Variants in FARP1 observed in about 807,000 individuals in gnomAD.
FARP1 encodes FERM, ARHGEF and pleckstrin domain-containing protein 1.
FARP1 carries 52 observed loss-of-function variants against 128.8 expected under a neutral mutation model. The ratio of observed to expected loss-of-function variants is 0.40; its 90% CI spans 0.32 to 0.51. The LOEUF (loss-of-function observed/expected upper bound fraction) is 0.51. FARP1 is among the 20% of genes least tolerant of loss of function. FARP1 has a pLI of 0.45. For missense variants in FARP1, 1,333 were observed against 1,367.9 expected (o/e 0.97, Z 0.40); for synonymous variants, 580 against 551.8 (o/e 1.05, Z -0.72).
intron 3 of FARP1, among the ~76,000 whole-genome samples, chr13:98,358,793 G>A (rs1355462378): frequency 6.6e-6 from 1 of 151,820 alleles, no homozygotes; most frequent in African/African-American, 2.4e-5. Context: ...CTGCCACCAC[G>A]CCCGGCTAAT....
intron 1 of FARP1, among the ~76,000 whole-genome samples, chr13:98,198,237 C>G (rs1430678636): frequency 1.3e-5 from 2 of 152,176 alleles, no homozygotes; most frequent in Non-Finnish European, 2.9e-5. Flanking sequence ...CTTTGCTTCT[C>G]GTTTCCAACC....
chr13:98,337,688 C>A (rs1594418611), intron 2 of FARP1, among the ~76,000 whole-genome samples: 3 of 151,956 alleles, frequency 2.0e-5, no homozygotes, highest in Admixed American at 6.6e-5. Flanking sequence ...CTGTTTCCAC[C>A]TTTTCCCCAT....
At chr13:98,200,394 C>CCG (rs1555327087) in intron 1 of FARP1, among the ~76,000 whole-genome samples, 12 of 147,014 alleles carry the variant, frequency 8.2e-5, no homozygotes, top group Admixed American at 2.7e-4. Flanking sequence ...TTCACCCCCC[C>CCG]CCCCTCCCCT....
chr13:98,144,274 C>T (rs1340457695), intron 1 of FARP1, among the ~76,000 whole-genome samples: 4 of 151,856 alleles, frequency 2.6e-5, no homozygotes, highest in Admixed American at 2.6e-4. Context: ...GAGTCTGGAT[C>T]TCGTTTGTGG....
chr13:98,146,413 A>T (rs1875564007), intron 1 of FARP1, among the ~76,000 whole-genome samples: 1 of 152,172 alleles, frequency 6.6e-6, no homozygotes, highest in Non-Finnish European at 1.5e-5. Flanking sequence ...TTTTTAGTAG[A>T]GACGGGGTTT....
chr13:98,323,221 T>G (rs1484446925), intron 2 of FARP1, among the ~76,000 whole-genome samples: 2 of 152,150 alleles, frequency 1.3e-5, no homozygotes, highest in African/African-American at 4.8e-5. Flanking sequence ...TGGTTGTGAG[T>G]TAGGAGCAGT....
intron 2 of FARP1, among the ~76,000 whole-genome samples, chr13:98,341,257 A>T (rs1250250736): frequency 6.6e-6 from 1 of 151,408 alleles, no homozygotes; most frequent in Non-Finnish European, 1.5e-5. Flanking sequence ...GCGGGCTTTG[A>T]CTCCTGCTGT....
chr13:98,265,592 T>C (rs1313223570), intron 2 of FARP1, among the ~76,000 whole-genome samples: 1 of 151,950 alleles, frequency 6.6e-6, no homozygotes, highest in African/African-American at 2.4e-5. Flanking sequence ...GTGCTGGGAT[T>C]ACAGGCGTGA....
intron 9 of FARP1, 134 bp from the exon 10 acceptor site, chr13:98,389,823 A>G: frequency 1.3e-6 from 1 of 783,080 alleles, no homozygotes; most frequent in Non-Finnish European, 2.1e-6. Context: ...AAGTCTTTGC[A>G]CTGATGGTCA....
intron 1 of FARP1, among the ~76,000 whole-genome samples, chr13:98,183,072 GC>G (rs1419283368): frequency 1.3e-4 from 20 of 152,264 alleles, no homozygotes; most frequent in Middle Eastern, 3.4e-3. Flanking sequence ...TTTGAATGGT[GC>G]TCACTTTTTG....
chr13:98,212,736 G>A (rs934535824), intron 1 of FARP1, among the ~76,000 whole-genome samples: 1 of 152,150 alleles, frequency 6.6e-6, no homozygotes, highest in South Asian at 2.1e-4. Context: ...GTATGTCTGC[G>A]AGTGTATGTC....
chr13:98,412,148 G>C, intron 16 of FARP1, 114 bp downstream of exon 16: 3 of 981,190 alleles, frequency 3.1e-6, no homozygotes, highest in Non-Finnish European at 4.6e-6. Context: ...CAGGAAACTG[G>C]CTTACAACAA....
chr13:98,189,846 A>G (rs1224132634), intron 1 of FARP1, among the ~76,000 whole-genome samples: 4 of 152,218 alleles, frequency 2.6e-5, no homozygotes, highest in African/African-American at 2.4e-5. Flanking sequence ...TGTGATTTCT[A>G]TTAACCAAAG....
intron 2 of FARP1, among the ~76,000 whole-genome samples, chr13:98,285,361 C>G (rs1023202205): frequency 1.3e-5 from 2 of 152,164 alleles, no homozygotes; most frequent in Non-Finnish European, 2.9e-5. Flanking sequence ...TAGCTCCTTT[C>G]CTTTTTCTCC....
chr13:98,376,833 T>A (rs1476497586), intron 5 of FARP1, among the ~76,000 whole-genome samples: 1 of 149,270 alleles, frequency 6.7e-6, no homozygotes, highest in East Asian at 2.0e-4. Context: ...CCATTTTAAC[T>A]GGGGTGAGAT....
intron 3 of FARP1, among the ~76,000 whole-genome samples, chr13:98,360,090 CTTTTTTTTTT>C (rs55859311): frequency 1.2e-4 from 13 of 104,592 alleles, no homozygotes; most frequent in Admixed American, 2.2e-4. Context: ...GATTGTGTTG[CTTTTTTTTTT>C]TTTTTTTTTT....
At chr13:98,281,733 T>C (rs1191831176) in intron 2 of FARP1, among the ~76,000 whole-genome samples, 2 of 152,218 alleles carry the variant, frequency 1.3e-5, no homozygotes, top group Non-Finnish European at 2.9e-5. Context: ...GGGAGTGATA[T>C]TCCTCAGCTG....
chr13:98,211,410 T>C (rs1448962780), intron 1 of FARP1, among the ~76,000 whole-genome samples: 1 of 152,128 alleles, frequency 6.6e-6, no homozygotes, highest in Non-Finnish European at 1.5e-5. Flanking sequence ...TGATCTGAGG[T>C]GGAACCATTT....
At chr13:98,182,247 T>C (rs9556897) in intron 1 of FARP1, among the ~76,000 whole-genome samples, 92,207 of 152,050 alleles carry the variant, frequency 0.61, 28,818 homozygotes, top group East Asian at 0.74. Context: ...TCAGAACTTG[T>C]TAGTCTTTTT....
Sources: allele counts gnomAD v4.1 joint callset (sites outside exome capture counted in the v4.1 genomes callset), GRCh38; gene constraint gnomAD v4.1.1; transcripts MANE v1.5; gene names NCBI Gene and HGNC (gene_info 2026-07-23, HGNC 2026-07-21).